The following FGD3 variants were observed in gnomAD, a reference collection of about 807,000 sequenced individuals.
The protein encoded by FGD3 is FYVE, RhoGEF and PH domain containing 3, also known as FYVE, RhoGEF and PH domain-containing protein 3.
In FGD3, 45 loss-of-function variants were observed where a neutral mutation model predicts 71.8. The ratio of observed to expected loss-of-function variants is 0.63; its 90% confidence interval spans 0.49 to 0.80. FGD3 has a LOEUF of 0.80. FGD3 is among the 30% of genes least tolerant of loss of function. The pLI is 0.00. For missense variants in FGD3, 844 were observed against 951.5 expected (o/e 0.89, Z 1.49); for synonymous variants, 378 against 392.8 (o/e 0.96, Z 0.44).
chr9:92,978,413 A>AC (rs1338086097), intron 3 of FGD3, among the ~76,000 whole-genome samples: 7 of 26,042 alleles, frequency 2.7e-4, no homozygotes, highest in Non-Finnish European at 3.3e-4. Flanking sequence ...CCCACCGCCC[A>AC]CCCCCCCACC....
chr9:93,000,518 T>C (rs1231920499), intron 3 of FGD3, among the ~76,000 whole-genome samples: 1 of 152,182 alleles, frequency 6.6e-6, no homozygotes, highest in Admixed American at 6.5e-5. Flanking sequence ...GGAAAAGTGT[T>C]TATTTCTCCA....
At chr9:93,026,483 G>C (rs1356949496) in intron 14 of FGD3, among the ~76,000 whole-genome samples, 3 of 152,236 alleles carry the variant, frequency 2.0e-5, no homozygotes, top group Non-Finnish European at 2.9e-5. Flanking sequence ...GATGATGGGA[G>C]CTGGAGGGTT....
chr9:93,016,539 T>C (rs1260858727), intron 10 of FGD3, among the ~76,000 whole-genome samples: 1 of 151,710 alleles, frequency 6.6e-6, no homozygotes, highest in Non-Finnish European at 1.5e-5. Flanking sequence ...GGTTTTGCCA[T>C]GTTTGCCAGG....
chr9:92,997,382 G>A (rs1390766272), intron 3 of FGD3, among the ~76,000 whole-genome samples: 2 of 152,094 alleles, frequency 1.3e-5, no homozygotes, highest in Admixed American at 6.5e-5. Context: ...CACGTGAGAC[G>A]GGTCTCTTGA....
chr9:92,971,705 A>T (rs1214603714), intron 1 of FGD3, among the ~76,000 whole-genome samples: 1 of 149,310 alleles, frequency 6.7e-6, no homozygotes, highest in Non-Finnish European at 1.5e-5. Flanking sequence ...CCTTTCGAGT[A>T]GCTGGGATTA....
intron 1 of FGD3, among the ~76,000 whole-genome samples, chr9:92,957,195 CT>C (rs965455365): frequency 4.6e-5 from 7 of 152,330 alleles, no homozygotes; most frequent in African/African-American, 1.7e-4. Context: ...CAGATGTTTT[CT>C]TTCCTCTTGG....
At chr9:92,957,301 A>C (rs1216366238) in intron 1 of FGD3, among the ~76,000 whole-genome samples, 1 of 152,134 alleles carries the variant, frequency 6.6e-6, no homozygotes, top group African/African-American at 2.4e-5. Flanking sequence ...TGGTTGTACA[A>C]TTTTCTGCTT....
intron 1 of FGD3, among the ~76,000 whole-genome samples, chr9:92,958,943 T>C (rs1859115266): frequency 6.6e-6 from 1 of 152,214 alleles, no homozygotes; most frequent in Non-Finnish European, 1.5e-5. Flanking sequence ...GTCTTGCTTT[T>C]GAAATTTATT....
intron 13 of FGD3, among the ~76,000 whole-genome samples, chr9:93,021,074 G>A (rs1359390435): frequency 6.6e-6 from 1 of 152,224 alleles, no homozygotes; most frequent in Admixed American, 6.5e-5. Context: ...CCAGGCCATG[G>A]GTGGTGGAAC....
At chr9:92,981,228 C>T (rs531320078) in intron 3 of FGD3, among the ~76,000 whole-genome samples, 29 of 151,486 alleles carry the variant, frequency 1.9e-4, no homozygotes, top group Middle Eastern at 6.8e-3. Context: ...ATTAGCCAGG[C>T]GTGGTGGTGG....
chr9:92,989,314 G>A (rs1015732691), intron 3 of FGD3, among the ~76,000 whole-genome samples: 5 of 152,300 alleles, frequency 3.3e-5, no homozygotes, highest in Non-Finnish European at 7.3e-5. Flanking sequence ...CTCCCAAAGT[G>A]CTGGGATTAC....
At chr9:93,032,909 C>T (rs773370267) in intron 16 of FGD3, 36 bp downstream of exon 16, 23 of 1,583,410 alleles carry the variant, frequency 1.5e-5, no homozygotes, top group Non-Finnish European at 1.7e-5. Context: ...CTCCTGGTGG[C>T]GCGGCAGAGC....
intron 3 of FGD3, among the ~76,000 whole-genome samples, chr9:92,980,723 G>A (rs1473738323): frequency 6.6e-6 from 1 of 152,074 alleles, no homozygotes; most frequent in Non-Finnish European, 1.5e-5. Context: ...TGTAATTCCA[G>A]CACTTTGGGA....
intron 3 of FGD3, among the ~76,000 whole-genome samples, chr9:92,986,585 G>C (rs1476424478): frequency 6.6e-6 from 1 of 152,210 alleles, no homozygotes; most frequent in African/African-American, 2.4e-5. Flanking sequence ...GAGGACTTGG[G>C]GCTTGGGGTA....
rs1434222637 is a variant in FGD3, at chr9:93,020,538, CACCAGGG to C, written c.1494+121_1494+127del. The C allele has an allele frequency of 1.3e-5, 10 of 793,562 alleles. 1 individual carries two copies. Among genetic ancestry groups the C allele is most frequent in the South Asian group, 4.4e-5 (3 of 68,452 alleles). The allele number at this position is 793,562 out of a possible 1,614,324, so 49.2% of individuals were successfully genotyped here. A position where few individuals can be genotyped will look rare whatever the true frequency, so the allele number is the denominator to read the frequency against. Reference sequence around the variant, plus strand: ...TGACCTCCAGGCTTTCCTCCTGCTACACCAGGGACCAGGACAGCGGGCACTCCCTTGT... The same window carrying C: ...TGACCTCCAGGCTTTCCTCCTGCTACACCAGGACAGCGGGCACTCCCTTGT... On this transcript the variant is annotated intron_variant, in intron 13 of 17. Transcript: ENST00000375482.
chr9:93,018,225 G>T lies in FGD3; in HGVS notation c.1355+10G>T, dbSNP rs763662743. The T allele has an allele frequency of 3.1e-6, 5 of 1,611,088 alleles. No individual in the cohort carries two copies. The African/African-American group carries it at 6.7e-5, about 21-fold the overall frequency. ...TGGAGCTGCAGACGCGGTATGGAAC[G>T]GGCTGTTTCTAGTGAATGTCTTTGA... On this transcript the variant is annotated intron_variant, in intron 11 of 17. Transcript: ENST00000375482.
In FGD3 at chr9:93,014,415, A is replaced by AC. The variant is rs1440077923; in HGVS notation, c.1182+424dup. Among the ~76,000 whole-genome samples the AC allele has an allele frequency of 1.1e-4, 16 of 150,406 alleles. No homozygotes were observed. The East Asian group carries it at 1.2e-3, about 11-fold the overall frequency. On this transcript the variant is annotated intron_variant, in intron 9 of 17. Transcript: ENST00000375482. Reference sequence around the variant, plus strand: ...AGGTGGGATGGAAGTGTAATTCGAGACCCCCCCGGGTGCCATGGCGCGGTA... The same window carrying AC: ...AGGTGGGATGGAAGTGTAATTCGAGACCCCCCCCGGGTGCCATGGCGCGGTA...
intron 1 of FGD3, among the ~76,000 whole-genome samples, chr9:92,963,758 C>T (rs965931951): frequency 1.3e-5 from 2 of 152,212 alleles, no homozygotes; most frequent in Admixed American, 6.5e-5. Context: ...GGCTGCTCAG[C>T]GGGGCAGGTG....
intron 3 of FGD3, among the ~76,000 whole-genome samples, chr9:92,988,746 C>G (rs956955598): frequency 2.0e-5 from 3 of 152,138 alleles, no homozygotes; most frequent in Admixed American, 1.3e-4. Context: ...AACATTCTTG[C>G]CTTTCCCTGA....
Sources: gnomAD v4.1 joint callset for allele counts (sites outside exome capture counted in the v4.1 genomes callset) on GRCh38, gnomAD v4.1.1 for gene constraint, MANE v1.5 for transcripts, NCBI Gene and HGNC (gene_info 2026-07-23, HGNC 2026-07-21) for gene names.